The following ELN variants were observed in gnomAD, a reference collection of about 807,000 sequenced individuals.
The protein encoded by ELN is tropoelastin.
A neutral mutation model predicts 105.8 loss-of-function variants in ELN; 65 were observed. The ratio of observed to expected loss-of-function variants is 0.61; its 90% confidence interval spans 0.50 to 0.75. ELN has a LOEUF of 0.75. ELN is among the 30% of genes least tolerant of loss of function. The pLI is 0.00. For synonymous variants in ELN, 368 were observed against 389.2 expected, an observed-to-expected ratio of 0.95 and a Z score of 0.64; for missense variants, 882 against 969.4, an observed-to-expected ratio of 0.91 and a Z score of 1.20.
intron 2 of ELN, 58 bp downstream of exon 2, chr7:74,035,472 A>G: frequency 1.3e-6 from 2 of 1,591,706 alleles, no homozygotes; most frequent in Non-Finnish European, 1.7e-6. Flanking sequence ...GATGTCCATA[A>G]TAGATGCACA....
intron 8 of ELN, chr7:74,043,631 T>C: frequency 1.6e-6 from 1 of 639,092 alleles, no homozygotes; most frequent in Admixed American, 2.3e-5. Flanking sequence ...TAGCCAGAGG[T>C]GGGCTGGCCC....
Position 74,063,038 on chromosome 7 carries a change from T to C in ELN, c.1787-115T>C. Reference sequence around the variant, plus strand: ...AATATGGACTGGACTTCCTGTCCACTGCTCCTCCACAGTGTCACATGGCCC... The same window carrying C: ...AATATGGACTGGACTTCCTGTCCACCGCTCCTCCACAGTGTCACATGGCCC... On this transcript the variant is annotated intron_variant, in intron 26 of 32. Coordinates refer to ENST00000252034, the MANE Select transcript of ELN (RefSeq NM_000501.4). The surrounding 1 kb of genome is among the most constrained non-coding windows in gnomAD (Gnocchi z 4.1). 2 of 1,315,892 alleles carry C rather than the reference T, an allele frequency of 1.5e-6. No individual in the cohort carries two copies. Among genetic ancestry groups the C allele is most frequent in the African/African-American group, 2.9e-5 (2 of 67,850 alleles). The allele number at this position is 1,315,892 out of a possible 1,614,324, so 81.5% of individuals were successfully genotyped here. A position where few individuals can be genotyped will look rare whatever the true frequency, so the allele number is the denominator to read the frequency against.
chr7:74,049,073 A>ATCCG (rs1563809218), intron 15 of ELN, among the ~76,000 whole-genome samples: 1 of 142,982 alleles, frequency 7.0e-6, no homozygotes, highest in South Asian at 2.3e-4. Context: ...CCATCTATCC[A>ATCCG]TCCATCCATC....
At chr7:74,040,286 C>T (rs1159676444) in intron 4 of ELN, among the ~76,000 whole-genome samples, 5 of 152,236 alleles carry the variant, frequency 3.3e-5, no homozygotes, top group African/African-American at 1.2e-4. Flanking sequence ...AAGCGACTGC[C>T]AGCGCAGGTG....
At chr7:74,050,312 T>C (rs1793735491) in intron 15 of ELN, among the ~76,000 whole-genome samples, 1 of 151,536 alleles carries the variant, frequency 6.6e-6, no homozygotes, top group Non-Finnish European at 1.5e-5. Flanking sequence ...CATGCATCCA[T>C]TCCTCCATGC....
chr7:74,068,391 C>A (rs1168724337), intron 32 of ELN, among the ~76,000 whole-genome samples: 1 of 152,224 alleles, frequency 6.6e-6, no homozygotes, highest in Non-Finnish European at 1.5e-5. Flanking sequence ...CAGTGCCAGG[C>A]CCCGTCCTTC....
At chr7:74,052,028 A>C in intron 17 of ELN, 45 bp downstream of exon 17, 1 of 1,609,600 alleles carries the variant, frequency 6.2e-7, no homozygotes, top group South Asian at 1.1e-5. Context: ...GGGCCCCTGC[A>C]TAGACCTCGG....
intron 10 of ELN, 86 bp downstream of exon 10, chr7:74,045,379 G>A: frequency 6.7e-7 from 1 of 1,498,758 alleles, no homozygotes; most frequent in East Asian, 2.3e-5. Context: ...TGGGATCCTG[G>A]ACTGGCTCAG....
intron 4 of ELN, among the ~76,000 whole-genome samples, chr7:74,039,552 C>T (rs1320631768): frequency 1.3e-5 from 2 of 152,244 alleles, no homozygotes; most frequent in Non-Finnish European, 2.9e-5. Context: ...CTGGCAGCTG[C>T]TTTTCCACGT....
At chr7:74,035,660 A>G in intron 2 of ELN, 1 of 589,536 alleles carries the variant, frequency 1.7e-6, no homozygotes. Context: ...GCTTGAGGCC[A>G]GGAGTTTCAG....
rs1554683457 is a variant in ELN at position 74,060,359 on chromosome 7, C to T, written c.1622-17C>T. On this transcript the variant is annotated splice_polypyrimidine_tract_variant and intron_variant, in intron 24 of 32. Transcript: ENST00000252034. ...TGCTCCCTGCCTGCTGTCGCCACCA[C>T]TGCCCTCTGTCTGCAGGAGCTGCAG... The T allele has an allele frequency of 1.2e-6, 2 of 1,614,160 alleles. No homozygotes were observed. The highest frequency in any genetic ancestry group is 4.5e-5 in the East Asian group (2 of 44,880).
intron 1 of ELN, among the ~76,000 whole-genome samples, chr7:74,032,352 G>A (rs1234443474): frequency 1.3e-5 from 2 of 152,216 alleles, no homozygotes; most frequent in Non-Finnish European, 2.9e-5. Flanking sequence ...GCGGGGGTAG[G>A]ACTTGGACAG....
rs28763983 is a variant in ELN, at chr7:74,043,482, G to A, written c.427+314G>A. On this transcript the variant is annotated intron_variant, in intron 8 of 32. Transcript: ENST00000252034. ...GTGGAAGGGCCTGCAGCGAGTCCCG[G>A]CAGAGCTGGGGGAGCCCCGTGTCCT... 4.7e-3 allele frequency: 3,205 copies of A among 687,860 alleles called. 14 individuals carry two copies. Among genetic ancestry groups the A allele is most frequent in the Non-Finnish European group, 6.5e-3 (2,436 of 376,734 alleles). 42.6% of individuals were successfully genotyped at this position (687,860 alleles called of 1,614,324 possible). A position where few individuals can be genotyped will look rare whatever the true frequency, so the allele number is the denominator to read the frequency against.
chr7:74,048,099 G>A (rs782263049), intron 13 of ELN, 43 bp from the exon 14 acceptor site: 107 of 1,612,152 alleles, frequency 6.6e-5, no homozygotes, highest in Non-Finnish European at 8.9e-5. Context: ...GGCAGCAGTG[G>A]TGATGTCTGC....
At chr7:74,052,480 A>G (rs4717127) in intron 17 of ELN, 184,841 of 199,288 alleles carry the variant, frequency 0.93, 85,801 homozygotes, top group African/African-American at 0.96. Context: ...AGCCACCTGC[A>G]AGGCTGAGGT....
At chr7:74,029,377 G>A (rs1271514268) in intron 1 of ELN, among the ~76,000 whole-genome samples, 2 of 152,188 alleles carry the variant, frequency 1.3e-5, no homozygotes, top group African/African-American at 4.8e-5. Flanking sequence ...TATGGGGTTT[G>A]AGGGTGTGCC....
In ELN at chr7:74,046,739, G is replaced by T; in HGVS notation, c.615G>T (p.Gly205=). Residue 205 remains glycine (G), a synonymous_variant, in exon 12 of 33, where the codon GGG becomes GGT. Coordinates refer to ENST00000252034, the MANE Select transcript of ELN (RefSeq NM_000501.4). ...FGGPQPGVPL[G]YPIKAPKLPG... is the part of the protein sequence containing the mutation. ...GACCGCAACCTGGAGTCCCACTGGG[G>T]TATCCCATCAAGGCCCCCAAGCTGC... 6.2e-7 allele frequency: 1 copy of T among 1,614,156 alleles called. No homozygotes were observed. The highest frequency in any genetic ancestry group is 1.1e-5 in the South Asian group (1 of 91,080).
intron 26 of ELN, among the ~76,000 whole-genome samples, chr7:74,062,751 G>A (rs1398224471): frequency 3.3e-5 from 5 of 152,186 alleles, no homozygotes; most frequent in Middle Eastern, 6.8e-3. Context: ...GGGTTTCACC[G>A]TGTTGGCCAG....
intron 20 of ELN, 38 bp downstream of exon 20, chr7:74,056,473 G>A (rs1218325089): frequency 1.2e-6 from 2 of 1,612,716 alleles, no homozygotes; most frequent in South Asian, 1.1e-5. Context: ...GGGTTGAGAA[G>A]GGATGGGGGC....
Sources: gnomAD v4.1 joint callset for allele counts (sites outside exome capture counted in the v4.1 genomes callset) on GRCh38, gnomAD v4.1.1 for gene constraint, Gnocchi (gnomAD v3.1) non-coding constraint, MANE v1.5 for transcripts, NCBI Gene and HGNC (gene_info 2026-07-23, HGNC 2026-07-21) for gene names.